SNAP29: variants seen among roughly 807,000 people sequenced by gnomAD.
The protein encoded by SNAP29 is synaptosomal-associated protein 29.
A neutral mutation model predicts 27.9 loss-of-function variants in SNAP29; 13 were observed. The ratio of observed to expected loss-of-function variants is 0.47; its 90% CI spans 0.30 to 0.74. SNAP29 has a LOEUF of 0.74. Ranked by LOEUF, SNAP29 falls within the 30% of genes least tolerant of loss-of-function variation. The probability of loss-of-function intolerance (pLI) is 0.06; values close to 1 mark genes in which losing one functional copy is unlikely to be tolerated. For missense variants in SNAP29, 368 were observed against 336.5 expected (o/e 1.09, Z -0.73); for synonymous variants, 119 against 127.1 (o/e 0.94, Z 0.43).
At chr22:20,887,220 G>A (rs1269164962) in intron 4 of SNAP29, among the ~76,000 whole-genome samples, 1 of 146,714 alleles carries the variant, frequency 6.8e-6, no homozygotes, top group Non-Finnish European at 1.5e-5. Context: ...GCAAAATGCT[G>A]TCTCAAAAAA....
intron 2 of SNAP29, among the ~76,000 whole-genome samples, chr22:20,873,744 C>T (rs1184795584): frequency 7.2e-6 from 1 of 139,012 alleles, no homozygotes; most frequent in East Asian, 2.2e-4. Flanking sequence ...GAGGCGGGTG[C>T]ATCGTTTGAG....
intron 4 of SNAP29, 148 bp downstream of exon 4, chr22:20,883,717 A>G (rs985156839): frequency 5.7e-6 from 4 of 704,880 alleles, no homozygotes; most frequent in African/African-American, 5.2e-5. Flanking sequence ...TTGCCACCTC[A>G]CTGTCTCTGG....
At chr22:20,884,972 TC>T (rs1928978471) in intron 4 of SNAP29, among the ~76,000 whole-genome samples, 1 of 152,118 alleles carries the variant, frequency 6.6e-6, no homozygotes, top group Non-Finnish European at 1.5e-5. Flanking sequence ...ATGAGGTTTC[TC>T]CTTGTTGGTC....
chr22:20,886,481 G>C (rs933060199), intron 4 of SNAP29, among the ~76,000 whole-genome samples: 1 of 148,458 alleles, frequency 6.7e-6, no homozygotes, highest in African/African-American at 2.5e-5. Flanking sequence ...GCTAATTTTT[G>C]TATTTTTAGT....
chr22:20,872,736 A>G (rs1601649026), intron 2 of SNAP29, among the ~76,000 whole-genome samples: 1 of 140,012 alleles, frequency 7.1e-6, no homozygotes, highest in African/African-American at 2.7e-5. Flanking sequence ...GGGTTTCACC[A>G]TGTTGGCCAG....
intron 2 of SNAP29, among the ~76,000 whole-genome samples, chr22:20,876,916 T>C (rs1928761052): frequency 6.6e-6 from 1 of 152,202 alleles, no homozygotes; most frequent in Admixed American, 6.5e-5. Context: ...CCCTTCGGCC[T>C]TCTCTGAAGT....
intron 1 of SNAP29, among the ~76,000 whole-genome samples, chr22:20,869,591 T>C (rs946362710): frequency 2.6e-5 from 4 of 152,126 alleles, no homozygotes; most frequent in African/African-American, 4.8e-5. Flanking sequence ...GCCAGGAGGC[T>C]CAGGTGGCCC....
intron 4 of SNAP29, among the ~76,000 whole-genome samples, chr22:20,886,055 T>C (rs989922920): frequency 8.6e-5 from 13 of 151,620 alleles, no homozygotes; most frequent in Admixed American, 3.9e-4. Flanking sequence ...CTGCTCTCCA[T>C]GGAGCACGAG....
rs947697329 is a variant in SNAP29, at chr22:20,888,566, C to T, written c.*730C>T. 3.3e-5 allele frequency: 5 copies of T among 153,616 alleles called. No homozygotes were observed. Among genetic ancestry groups the T allele is most frequent in the African/African-American group, 1.2e-4 (5 of 41,442 alleles). 9.5% of individuals were successfully genotyped at this position (153,616 alleles called of 1,614,324 possible). On this transcript the variant is annotated 3_prime_UTR_variant, in exon 5 of 5. Transcript: ENST00000215730. ...AATGTGTGGGGAATTGGGTGAGCCC[C>T]TCTTCCCCACGTGCTCCCATCTGTA...
intron 2 of SNAP29, among the ~76,000 whole-genome samples, chr22:20,876,029 T>C (rs1379778139): frequency 6.6e-6 from 1 of 151,470 alleles, no homozygotes; most frequent in Non-Finnish European, 1.5e-5. Context: ...GGGGTGATGG[T>C]GGGCACCTGT....
At chr22:20,886,971 C>T (rs986188517) in intron 4 of SNAP29, among the ~76,000 whole-genome samples, 2 of 151,894 alleles carry the variant, frequency 1.3e-5, no homozygotes, top group African/African-American at 4.8e-5. Flanking sequence ...CGCCTGTAAT[C>T]CTAGCACTTT....
At chr22:20,886,007 A>G (rs972742493) in intron 4 of SNAP29, among the ~76,000 whole-genome samples, 3 of 152,106 alleles carry the variant, frequency 2.0e-5, no homozygotes, top group Admixed American at 1.3e-4. Flanking sequence ...CCTGGCTGCC[A>G]GTGAGCTTCC....
In SNAP29 at chr22:20,859,243, T is replaced by C; in HGVS notation, c.133T>C (p.Leu45=). The change falls in exon 1 of 5, where the codon TTG becomes CTG. Residue 45 remains leucine, a synonymous_variant. Transcript: ENST00000215730. ...PDAPADRQQY[L]RQEVLRRAEA... is the part of the protein sequence containing the mutation. ...CGCGCCCGCGGACAGGCAGCAGTAC[T>C]TGCGGCAGGAGGTCCTCCGCAGGGC... The C allele has an allele frequency of 1.9e-6, 3 of 1,605,202 alleles. No individual in the cohort carries two copies. In the African/African-American group the frequency reaches 4.0e-5, roughly 21 times the overall value.
At chr22:20,868,425 T>G (rs774665314) in intron 1 of SNAP29, among the ~76,000 whole-genome samples, 43 of 152,214 alleles carry the variant, frequency 2.8e-4, no homozygotes, top group Admixed American at 2.4e-3. Context: ...AACCAGTGTT[T>G]TAGCTTTTTG....
intron 4 of SNAP29, 56 bp downstream of exon 4, chr22:20,883,625 G>T: frequency 9.4e-7 from 1 of 1,064,216 alleles, no homozygotes; most frequent in Non-Finnish European, 1.5e-6. Context: ...GGCAGCTTAC[G>T]CCAAGCATAG....
In SNAP29 at chr22:20,881,062, A is replaced by C; in HGVS notation, c.448A>C (p.Ile150Leu). ...SQPNNRLKEA[I>L]STSKEQEAKY... Reference sequence around the variant, plus strand: ...TTTTATCCAAAGATTGAAAGAAGCTATAAGTACAAGTAAAGAACAGGAAGC... The same window carrying C: ...TTTTATCCAAAGATTGAAAGAAGCTCTAAGTACAAGTAAAGAACAGGAAGC... The change falls in exon 3 of 5, where the codon ATA (isoleucine) becomes CTA (leucine). Residue 150 changes from isoleucine (I) to leucine (L), a missense_variant. Physicochemically the swap from Ile to Leu is conservative, Grantham distance 5 (BLOSUM62 2). Transcript: ENST00000215730. 2 of 1,610,344 alleles carry C rather than the reference A, an allele frequency of 1.2e-6. No homozygotes were observed. The highest frequency in any genetic ancestry group is 1.7e-6 in the Non-Finnish European group (2 of 1,176,482).
chr22:20,874,335 C>G (rs536161237), intron 2 of SNAP29, among the ~76,000 whole-genome samples: 31 of 145,470 alleles, frequency 2.1e-4, no homozygotes, highest in African/African-American at 6.2e-4. Context: ...CACACACACA[C>G]ACACGAAAAT....
chr22:20,879,560 A>G (rs764587178), intron 2 of SNAP29, among the ~76,000 whole-genome samples: 5 of 151,436 alleles, frequency 3.3e-5, no homozygotes, highest in Middle Eastern at 3.4e-3. Flanking sequence ...ACAATTTAAG[A>G]ATTGGCCAAG....
chr22:20,887,532 A>C, intron 4 of SNAP29, 147 bp from the exon 5 acceptor site: 5 of 840,564 alleles, frequency 5.9e-6, no homozygotes, highest in South Asian at 1.4e-5. Context: ...GACAGAATCA[A>C]TTAAGTCAAG....
Sources: gnomAD v4.1 joint callset for allele counts (sites outside exome capture counted in the v4.1 genomes callset) on GRCh38, gnomAD v4.1.1 for gene constraint, MANE v1.5 for transcripts, NCBI Gene and HGNC (gene_info 2026-07-23, HGNC 2026-07-21) for gene names.